Variants in COL4A3 observed in about 807,000 individuals in gnomAD.
COL4A3 encodes collagen type IV alpha 3 chain.
COL4A3 carries 135 observed loss-of-function variants against 217.4 expected under a neutral mutation model. The ratio of observed to expected loss-of-function variants is 0.62; its 90% CI spans 0.54 to 0.72. The LOEUF (loss-of-function observed/expected upper bound fraction) is 0.72, where lower values mean the gene tolerates loss of function less well. Among genes scored for constraint, COL4A3 ranks in the 30% least tolerant of loss-of-function variants. COL4A3 has a pLI of 0.00. For missense variants in COL4A3, 1,868 were observed against 2,119.9 expected, an observed-to-expected ratio of 0.88 and a Z score of 2.33; for synonymous variants, 690 against 736.3, an observed-to-expected ratio of 0.94 and a Z score of 1.02.
chr2:227,256,133 T>A, intron 16 of COL4A3, 63 bp downstream of exon 16: 2 of 1,493,124 alleles, frequency 1.3e-6, no homozygotes, highest in Non-Finnish European at 1.9e-6. Context: ...TGAAGAAGGA[T>A]TTTTTAAAAT....
At chr2:227,189,515 G>C (rs1318079897) in intron 1 of COL4A3, among the ~76,000 whole-genome samples, 3 of 152,142 alleles carry the variant, frequency 2.0e-5, no homozygotes, top group Non-Finnish European at 2.9e-5. Context: ...CCCAAATTTA[G>C]CATCAAAGAA....
chr2:227,203,084 T>TAC (rs2066847623), intron 1 of COL4A3, among the ~76,000 whole-genome samples: 1 of 18,202 alleles, frequency 5.5e-5, no homozygotes, highest in East Asian at 3.1e-3. Context: ...TATATATGTG[T>TAC]ATATATGTGT....
Position 227,257,620 on chromosome 2 carries a change from T to C in COL4A3, c.1005T>C (p.Ile335=), listed in dbSNP as rs776756774. 6.2e-7 allele frequency: 1 copy of C among 1,613,870 alleles called. No individual in the cohort carries two copies. The highest frequency in any genetic ancestry group is 1.1e-5 in the South Asian group (1 of 91,074). ...EDGIKGQKGD[I]GPPGFRGPTE... ...CACTGTAGGGACAGAAAGGGGACAT[T>C]GGCCCTCCAGGATTTCGTGGTCCAG... The change falls in exon 18 of 52, where the codon ATT becomes ATC. Residue 335 remains isoleucine (I), a synonymous_variant. Transcript: ENST00000396578.
At chr2:227,277,076 T>C (rs1346325482) in intron 27 of COL4A3, among the ~76,000 whole-genome samples, 1 of 152,076 alleles carries the variant, frequency 6.6e-6, no homozygotes, top group Non-Finnish European at 1.5e-5. Context: ...TCCCAGCACT[T>C]TGGGAGGCCG....
chr2:227,274,321 T>C (rs1435243307), intron 26 of COL4A3, among the ~76,000 whole-genome samples: 1 of 152,006 alleles, frequency 6.6e-6, no homozygotes, highest in Non-Finnish European at 1.5e-5. Context: ...CTCTAAATCA[T>C]TTTGTAGTGT....
At chr2:227,238,191 A>T (rs2068806011) in intron 2 of COL4A3, 167 bp downstream of exon 2, 1 of 513,384 alleles carries the variant, frequency 1.9e-6, no homozygotes, top group African/African-American at 2.0e-5. Flanking sequence ...AAAAAAAAAG[A>T]AAAAAGTCAT....
Position 227,164,923 on chromosome 2 carries a change from G to A in COL4A3, c.87+110G>A. 7.7e-7 allele frequency: 1 copy of A among 1,296,148 alleles called. No homozygotes were observed. The highest frequency in any genetic ancestry group is 1.0e-6 in the Non-Finnish European group (1 of 993,836). 80.3% of individuals were successfully genotyped at this position (1,296,148 alleles called of 1,614,324 possible). The stretch of plus-strand genomic sequence containing the variant: ...GGCGCGGTAGTGGAGCGGCTGCCGG[G>A]CTAGTGGCGAGGCTGAGGGCTTCAC... On this transcript the variant is annotated intron_variant, in intron 1 of 51. Coordinates refer to ENST00000396578, the MANE Select transcript of COL4A3 (RefSeq NM_000091.5). This position sits in a 1 kb window ranked among gnomAD's most constrained non-coding sequence, Gnocchi z 4.8.
At chr2:227,189,893 T>C (rs1463858313) in intron 1 of COL4A3, among the ~76,000 whole-genome samples, 13 of 152,172 alleles carry the variant, frequency 8.5e-5, no homozygotes, top group Admixed American at 8.5e-4. Context: ...TATACTTCTC[T>C]GTGTTATTCT....
At chr2:227,279,717 G>C in intron 28 of COL4A3, 76 bp from the exon 29 acceptor site, 1 of 986,272 alleles carries the variant, frequency 1.0e-6, no homozygotes, top group Admixed American at 2.3e-5. Context: ...AGCTGGTTGA[G>C]AGATAAGAGA....
chr2:227,293,940 G>T, intron 38 of COL4A3: 1 of 355,362 alleles, frequency 2.8e-6, no homozygotes. Flanking sequence ...CTGTTTACCA[G>T]CCCTATCCCC....
chr2:227,246,862 A>C (rs751695006), intron 7 of COL4A3, 124 bp downstream of exon 7: 3 of 824,610 alleles, frequency 3.6e-6, no homozygotes. Context: ...CATAGTAGAC[A>C]TTCAACTAAT....
At chr2:227,229,554 T>C (rs2068276720) in intron 1 of COL4A3, among the ~76,000 whole-genome samples, 2 of 152,174 alleles carry the variant, frequency 1.3e-5, no homozygotes, top group Admixed American at 1.3e-4. Flanking sequence ...TGCAGACTGA[T>C]GGAAGAAAGG....
At chr2:227,297,378 G>C (rs1326403559) in intron 41 of COL4A3, among the ~76,000 whole-genome samples, 1 of 152,146 alleles carries the variant, frequency 6.6e-6, no homozygotes, top group Non-Finnish European at 1.5e-5. Context: ...GAATTAGCTA[G>C]AACAGGTATT....
In COL4A3 at chr2:227,267,048, C is replaced by T; in HGVS notation, c.1464C>T (p.Leu488=). Residue 488 remains leucine, a synonymous_variant, in exon 23 of 52, where the codon CTC becomes CTT. Transcript: ENST00000396578. ...CTTATATCCCAGGGCCTCCCGGTCT[C>T]CCAGGATTGCCAGGGTTACATGGTG... ...QCPYIPGPPG[L]PGLPGLHGVK... is the part of the protein sequence containing the mutation. 1 of 1,614,000 alleles carries T rather than the reference C, an allele frequency of 6.2e-7. No homozygotes were observed. The highest frequency in any genetic ancestry group is 8.5e-7 in the Non-Finnish European group (1 of 1,179,932).
At position 227,186,949 on chromosome 2, in the gene COL4A3, A is replaced by C. The variant is rs948621959; in HGVS notation, c.87+22136A>C. Among the ~76,000 whole-genome samples the C allele has an allele frequency of 9.9e-5, 15 of 152,272 alleles. 1 individual carries two copies. The South Asian group carries it at 2.1e-3, about 21-fold the overall frequency. ...TCTCATTGTGTCCTCACGTGGTGGA[A>C]GGAGTGAGCAAATTCCCTTGGGACT... On this transcript the variant is annotated intron_variant, in intron 1 of 51. Coordinates refer to ENST00000396578, the MANE Select transcript of COL4A3 (RefSeq NM_000091.5).
chr2:227,297,898 A>C, intron 42 of COL4A3, 39 bp downstream of exon 42: 1 of 1,549,814 alleles, frequency 6.5e-7, no homozygotes, highest in Non-Finnish European at 8.7e-7. Context: ...AATAACAAAA[A>C]TCATGTTTGA....
Position 227,308,809 on chromosome 2 carries a change from A to G in COL4A3, c.4463-90A>G. On this transcript the variant is annotated intron_variant, in intron 48 of 51. Coordinates refer to ENST00000396578, the MANE Select transcript of COL4A3 (RefSeq NM_000091.5). Reference sequence around the variant, plus strand: ...GTTGTCTTTGTCCAGCTTTTGCTGCAGGTTACATTTAAATTAGCTTCTCTC... The same window carrying G: ...GTTGTCTTTGTCCAGCTTTTGCTGCGGGTTACATTTAAATTAGCTTCTCTC... 3 of 1,328,558 alleles carry G rather than the reference A, an allele frequency of 2.3e-6. No homozygotes were observed. The South Asian group carries it at 3.5e-5, about 16-fold the overall frequency. The allele number at this position is 1,328,558 out of a possible 1,614,324, so 82.3% of individuals were successfully genotyped here. A position where few individuals can be genotyped will look rare whatever the true frequency, so the allele number is the denominator to read the frequency against.
At chr2:227,207,278 AC>A (rs2067137306) in intron 1 of COL4A3, among the ~76,000 whole-genome samples, 1 of 152,218 alleles carries the variant, frequency 6.6e-6, no homozygotes, top group Admixed American at 6.5e-5. Flanking sequence ...GAAATGGAAT[AC>A]CTAGTCACCA....
chr2:227,252,763 A>G (rs953015407), intron 11 of COL4A3, among the ~76,000 whole-genome samples: 2 of 152,148 alleles, frequency 1.3e-5, no homozygotes, highest in African/African-American at 4.8e-5. Flanking sequence ...CTCAGTGGTG[A>G]AAAAGCAAGC....
Sources: allele counts gnomAD v4.1 joint callset (sites outside exome capture counted in the v4.1 genomes callset), GRCh38; gene constraint gnomAD v4.1.1; non-coding constraint Gnocchi (gnomAD v3.1); transcripts MANE v1.5; gene names NCBI Gene and HGNC (gene_info 2026-07-23, HGNC 2026-07-21).